The following CNTNAP2 variants were observed in gnomAD, a reference collection of about 807,000 sequenced individuals.
The protein encoded by CNTNAP2 is contactin associated protein 2, also known as contactin-associated protein-like 2.
Under a neutral mutation model 155.2 loss-of-function variants are expected in CNTNAP2, and 98 were observed. The ratio of observed to expected loss-of-function variants is 0.63; its 90% CI spans 0.54 to 0.75. CNTNAP2 has a LOEUF of 0.75. Ranked by LOEUF, CNTNAP2 falls within the 30% of genes least tolerant of loss-of-function variation. The pLI, the probability that CNTNAP2 is intolerant of heterozygous loss-of-function variation, is 0.00. For synonymous variants in CNTNAP2, 651 were observed against 631.2 expected (o/e 1.03, Z -0.47); for missense variants, 1,727 against 1,688.1 (o/e 1.02, Z -0.40).
intron 7 of CNTNAP2, among the ~76,000 whole-genome samples, chr7:147,131,204 CCATATA>C (rs969446298): frequency 2.1e-4 from 31 of 150,370 alleles, no homozygotes; most frequent in African/African-American, 7.5e-4. Context: ...CACATGTATA[CCATATA>C]CATATACATA....
Position 148,162,840 on chromosome 7 carries a change from AAT to A in CNTNAP2, c.2774-9401_2774-9400del, listed in dbSNP as rs1562979571. Among the ~76,000 whole-genome samples the A allele has an allele frequency of 3.2e-4, 48 of 150,496 alleles. 1 individual carries two copies. The highest frequency in any genetic ancestry group is 1.5e-5 in the Non-Finnish European group (1 of 67,530). ...GCAAGACCTTGTCTCTACAAAAAAA[AAT>A]TTTTTTAATTAACCAGGCATGGTGA... On this transcript the variant is annotated intron_variant, in intron 17 of 23. Transcript: ENST00000361727.
intron 13 of CNTNAP2, among the ~76,000 whole-genome samples, chr7:147,809,339 G>C (rs1798144866): frequency 6.6e-6 from 1 of 152,176 alleles, no homozygotes; most frequent in South Asian, 2.1e-4. Flanking sequence ...CTAAGAACCT[G>C]CATCAGTGCC....
intron 1 of CNTNAP2, among the ~76,000 whole-genome samples, chr7:146,185,761 CTTT>C (rs1554400924): frequency 2.1e-5 from 2 of 94,886 alleles, no homozygotes; most frequent in Admixed American, 9.5e-5. Flanking sequence ...TTTTATTATT[CTTT>C]TTTTTTTTTT....
intron 13 of CNTNAP2, among the ~76,000 whole-genome samples, chr7:147,832,842 GATC>G (rs951171693): frequency 1.7e-5 from 1 of 57,686 alleles, no homozygotes; most frequent in Non-Finnish European, 2.9e-5. Flanking sequence ...CTATAATATA[GATC>G]ATTATATTTA....
At chr7:146,535,794 G>A (rs1025150862) in intron 1 of CNTNAP2, among the ~76,000 whole-genome samples, 2 of 151,756 alleles carry the variant, frequency 1.3e-5, no homozygotes, top group Admixed American at 1.3e-4. Flanking sequence ...AGTTCCCATT[G>A]TCTATTGTTC....
At chr7:146,458,068 C>T (rs2129123898) in intron 1 of CNTNAP2, among the ~76,000 whole-genome samples, 1 of 152,044 alleles carries the variant, frequency 6.6e-6, no homozygotes, top group East Asian at 1.9e-4. Flanking sequence ...AAGCCAAACA[C>T]CTCATGTTCT....
chr7:148,057,193 CAGAT>C (rs1803033044), intron 15 of CNTNAP2, among the ~76,000 whole-genome samples: 1 of 151,612 alleles, frequency 6.6e-6, no homozygotes, highest in South Asian at 2.1e-4. Flanking sequence ...CGTAAACCCT[CAGAT>C]AGTACCAGTC....
chr7:146,645,093 G>A (rs953234336), intron 1 of CNTNAP2, among the ~76,000 whole-genome samples: 1 of 152,122 alleles, frequency 6.6e-6, no homozygotes, highest in Non-Finnish European at 1.5e-5. Flanking sequence ...TATTAAAATA[G>A]GCAAGTACTT....
intron 13 of CNTNAP2, among the ~76,000 whole-genome samples, chr7:147,841,203 C>A (rs929499111): frequency 6.6e-6 from 1 of 152,018 alleles, no homozygotes; most frequent in African/African-American, 2.4e-5. Context: ...TGCCTCATTT[C>A]TTTGCTTTAT....
intron 1 of CNTNAP2, among the ~76,000 whole-genome samples, chr7:146,714,864 G>A (rs1049598161): frequency 3.3e-5 from 5 of 152,096 alleles, no homozygotes; most frequent in South Asian, 2.1e-4. Flanking sequence ...GACGTTCTGG[G>A]CCCTAGGTCT....
At chr7:147,632,755 C>T (rs1380737728) in intron 12 of CNTNAP2, among the ~76,000 whole-genome samples, 1 of 152,032 alleles carries the variant, frequency 6.6e-6, no homozygotes, top group Non-Finnish European at 1.5e-5. Context: ...TTGGAGGGCT[C>T]AGAATAAGAC....
intron 13 of CNTNAP2, among the ~76,000 whole-genome samples, chr7:147,710,310 A>G (rs1300672126): frequency 3.9e-5 from 6 of 152,312 alleles, no homozygotes; most frequent in Admixed American, 1.3e-4. Context: ...TTCTTAGCTT[A>G]GCACATAAAT....
At chr7:146,304,431 T>C (rs1318606778) in intron 1 of CNTNAP2, among the ~76,000 whole-genome samples, 7 of 152,086 alleles carry the variant, frequency 4.6e-5, no homozygotes, top group Admixed American at 3.9e-4. Flanking sequence ...CCATGTTTAG[T>C]GCTTCCTTCA....
At chr7:146,663,732 T>C (rs922955048) in intron 1 of CNTNAP2, among the ~76,000 whole-genome samples, 16 of 152,220 alleles carry the variant, frequency 1.1e-4, no homozygotes, top group African/African-American at 3.4e-4. Context: ...GTATACTCAC[T>C]AGTTTTAGCA....
intron 1 of CNTNAP2, among the ~76,000 whole-genome samples, chr7:146,757,534 G>C (rs1278256833): frequency 6.6e-6 from 1 of 152,112 alleles, no homozygotes; most frequent in Non-Finnish European, 1.5e-5. Context: ...ATCCAGAAAT[G>C]TCAGCTATAA....
chr7:147,454,796 G>C (rs1797892375), intron 10 of CNTNAP2, among the ~76,000 whole-genome samples: 1 of 151,808 alleles, frequency 6.6e-6, no homozygotes, highest in Non-Finnish European at 1.5e-5. Context: ...AGATATTCCT[G>C]AAAGGTCAGG....
intron 19 of CNTNAP2, among the ~76,000 whole-genome samples, chr7:148,218,891 C>T (rs1012706042): frequency 6.6e-6 from 1 of 151,186 alleles, no homozygotes; most frequent in Non-Finnish European, 1.5e-5. Flanking sequence ...AAGTCCACTT[C>T]CTCTCTGAAA....
chr7:146,601,216 T>C (rs1798944864), intron 1 of CNTNAP2, among the ~76,000 whole-genome samples: 1 of 152,090 alleles, frequency 6.6e-6, no homozygotes, highest in Non-Finnish European at 1.5e-5. Flanking sequence ...GCAAACCGAG[T>C]TCAATTCCAG....
At chr7:146,903,381 A>T (rs926542735) in intron 3 of CNTNAP2, among the ~76,000 whole-genome samples, 2 of 152,192 alleles carry the variant, frequency 1.3e-5, no homozygotes, top group South Asian at 2.1e-4. Flanking sequence ...AGCAAATTGC[A>T]TACTCAATAA....
Sources: gnomAD v4.1 joint callset for allele counts (sites outside exome capture counted in the v4.1 genomes callset) on GRCh38, gnomAD v4.1.1 for gene constraint, MANE v1.5 for transcripts, NCBI Gene and HGNC (gene_info 2026-07-23, HGNC 2026-07-21) for gene names.